ASTN2: variants seen among roughly 807,000 people sequenced by gnomAD.
ASTN2 encodes astrotactin-2.
Under a neutral mutation model 139.8 loss-of-function variants are expected in ASTN2, and 54 were observed. The ratio of observed to expected loss-of-function variants is 0.39; its 90% CI spans 0.31 to 0.48. ASTN2 has a LOEUF of 0.48. Among genes scored for constraint, ASTN2 ranks in the 20% least tolerant of loss-of-function variants. The pLI is 0.95. For missense variants in ASTN2, 1,565 were observed against 1,725.1 expected (o/e 0.91, Z 1.64); for synonymous variants, 756 against 719.5 (o/e 1.05, Z -0.81).
intron 19 of ASTN2, among the ~76,000 whole-genome samples, chr9:116,578,034 G>C (rs1399639156): frequency 1.3e-5 from 2 of 152,096 alleles, no homozygotes; most frequent in Admixed American, 6.6e-5. Context: ...TACTCTGAAG[G>C]CAAAAGATAA....
chr9:117,269,506 TC>T (rs1834013997), intron 2 of ASTN2, among the ~76,000 whole-genome samples: 1 of 152,086 alleles, frequency 6.6e-6, no homozygotes, highest in Admixed American at 6.5e-5. Context: ...GCTTCTTAGC[TC>T]CAGGGCCCAA....
At chr9:117,144,313 C>T (rs1330675437) in intron 3 of ASTN2, among the ~76,000 whole-genome samples, 5 of 152,092 alleles carry the variant, frequency 3.3e-5, no homozygotes, top group African/African-American at 1.2e-4. Flanking sequence ...GTTAAGCTTC[C>T]CTAATCCGAA....
intron 19 of ASTN2, among the ~76,000 whole-genome samples, chr9:116,614,747 T>G (rs1325729144): frequency 6.6e-6 from 1 of 152,184 alleles, no homozygotes; most frequent in East Asian, 1.9e-4. Flanking sequence ...GACTTAAATG[T>G]TAGACCTAAA....
intron 11 of ASTN2, among the ~76,000 whole-genome samples, chr9:116,847,471 G>C (rs1335230333): frequency 6.6e-6 from 1 of 152,148 alleles, no homozygotes; most frequent in East Asian, 1.9e-4. Context: ...CACTTTCCTA[G>C]GAAAATCTGC....
In ASTN2 at chr9:117,214,596, C is replaced by A. The variant is rs998629338; in HGVS notation, c.777G>T (p.Leu259=). ...THEIHYIPSV[L]LGPQARESFR... is the part of the protein sequence containing the mutation. ...AGCTCTCCCGCGCCTGGGGACCCAG[C>A]AGCACAGATGGGATGTAGTGGATCT... The change falls in exon 3 of 23, where the codon CTG becomes CTT. Residue 259 remains leucine, a synonymous_variant. Coordinates refer to ENST00000313400, the MANE Select transcript of ASTN2 (RefSeq NM_001365068.1). The A allele has an allele frequency of 4.2e-5, 68 of 1,605,712 alleles. No individual in the cohort carries two copies. The highest frequency in any genetic ancestry group is 5.5e-5 in the Non-Finnish European group (65 of 1,173,408).
chr9:116,733,623 T>G, intron 13 of ASTN2, 100 bp from the exon 14 acceptor site: 1 of 1,487,880 alleles, frequency 6.7e-7, no homozygotes, highest in African/African-American at 1.4e-5. Flanking sequence ...TAAAGACTCA[T>G]GGTGGGGTGA....
chr9:117,059,627 T>C (rs1380550769), intron 5 of ASTN2, among the ~76,000 whole-genome samples: 1 of 151,692 alleles, frequency 6.6e-6, no homozygotes, highest in African/African-American at 2.4e-5. Flanking sequence ...TTATTACTAT[T>C]AAAAAAACAA....
At chr9:116,545,858 T>A (rs1027278847) in intron 19 of ASTN2, 1 of 152,170 alleles carries the variant, frequency 6.6e-6, no homozygotes, top group Non-Finnish European at 1.5e-5. Context: ...CATTTGCATC[T>A]CTCTGAGTCC....
intron 17 of ASTN2, among the ~76,000 whole-genome samples, chr9:116,629,630 C>T (rs1210209224): frequency 1.3e-5 from 2 of 152,096 alleles, no homozygotes; most frequent in African/African-American, 2.4e-5. Flanking sequence ...GACCCAATTC[C>T]TATATAAGAA....
intron 19 of ASTN2, among the ~76,000 whole-genome samples, chr9:116,602,666 C>T (rs556895227): frequency 1.3e-5 from 2 of 152,130 alleles, no homozygotes; most frequent in Non-Finnish European, 2.9e-5. Flanking sequence ...TGGTGGCTCA[C>T]ATTTGTAATC....
intron 16 of ASTN2, among the ~76,000 whole-genome samples, chr9:116,713,928 C>T (rs757950473): frequency 2.0e-5 from 3 of 152,158 alleles, no homozygotes; most frequent in African/African-American, 4.8e-5. Context: ...CTGGCTCTAC[C>T]TTTTATTAGC....
At chr9:116,604,303 CT>C (rs1855073881) in intron 19 of ASTN2, among the ~76,000 whole-genome samples, 10 of 152,188 alleles carry the variant, frequency 6.6e-5, no homozygotes, top group Admixed American at 6.5e-4. Flanking sequence ...CTCCAAGTAC[CT>C]TTTCCCTTTG....
rs1194929843 is a variant in ASTN2, at chr9:116,651,807, A to C, written c.2807-14T>G. On this transcript the variant is annotated splice_polypyrimidine_tract_variant and intron_variant, in intron 16 of 22. Transcript: ENST00000313400. ...GCTCTGTGGTCTCTGGAGAGGCACA[A>C]GACAGGAAGAGCGAAAGGTAAACTC... 6.2e-7 allele frequency: 1 copy of C among 1,608,380 alleles called. No individual in the cohort carries two copies. The highest frequency in any genetic ancestry group is 8.5e-7 in the Non-Finnish European group (1 of 1,175,450).
intron 4 of ASTN2, among the ~76,000 whole-genome samples, chr9:117,114,470 A>G (rs1829328964): frequency 6.6e-6 from 1 of 152,202 alleles, no homozygotes; most frequent in South Asian, 2.1e-4. Flanking sequence ...CCTCATTGAT[A>G]CACTGCATTA....
At chr9:116,437,728 G>A (rs1230290660) in intron 22 of ASTN2, 9 of 382,534 alleles carry the variant, frequency 2.4e-5, no homozygotes, top group African/African-American at 8.4e-5. Flanking sequence ...CTCACACAGC[G>A]GCTTTCATCT....
intron 10 of ASTN2, among the ~76,000 whole-genome samples, chr9:116,874,652 T>C (rs1833250219): frequency 1.3e-5 from 2 of 152,202 alleles, no homozygotes; most frequent in South Asian, 4.1e-4. Context: ...TAAAGAGCTG[T>C]TGTGTTTTGG....
chr9:117,352,650 C>T (rs1829423271), intron 1 of ASTN2, among the ~76,000 whole-genome samples: 1 of 152,032 alleles, frequency 6.6e-6, no homozygotes, highest in Non-Finnish European at 1.5e-5. Context: ...CTAGTTTATC[C>T]AATAATTCTA....
rs12235114 is a variant in ASTN2 at position 117,199,510 on chromosome 9, T to C, written c.1015+14848A>G. Among the ~76,000 whole-genome samples, 17 of 152,280 alleles carry C rather than the reference T, an allele frequency of 1.1e-4. No homozygotes were observed. In the East Asian group the frequency reaches 3.3e-3, roughly 29 times the overall value. On this transcript the variant is annotated intron_variant, in intron 3 of 22. Coordinates refer to ENST00000313400, the MANE Select transcript of ASTN2 (RefSeq NM_001365068.1). ...CTGTTTTGGTATCAGTACCACGCTG[T>C]TTTGGTTGCTGTAGGCTTGGAAGTA...
intron 11 of ASTN2, 149 bp downstream of exon 11, chr9:116,863,434 G>A (rs978606867): frequency 1.1e-6 from 1 of 949,932 alleles, no homozygotes. Context: ...AGGAAACCAA[G>A]GTAGGCTGGC....
Sources: allele counts gnomAD v4.1 joint callset (sites outside exome capture counted in the v4.1 genomes callset), GRCh38; gene constraint gnomAD v4.1.1; transcripts MANE v1.5; gene names NCBI Gene and HGNC (gene_info 2026-07-23, HGNC 2026-07-21).